The following AR variants were observed in gnomAD, a reference collection of about 807,000 sequenced individuals.
AR encodes androgen receptor.
A neutral mutation model predicts 53.9 loss-of-function variants in AR; 8 were observed. The ratio of observed to expected loss-of-function variants is 0.15; its 90% CI spans 0.09 to 0.27. AR has a LOEUF of 0.27. Ranked by LOEUF, AR falls within the 10% of genes least tolerant of loss-of-function variation. The pLI is 1.00. For synonymous variants in AR, 359 were observed against 316.4 expected, an observed-to-expected ratio of 1.13 and a Z score of -1.43; for missense variants, 639 against 742.5, an observed-to-expected ratio of 0.86 and a Z score of 1.62.
chrX:67,646,611 G>A (rs1926071149), intron 2 of AR, among the ~76,000 whole-genome samples: 1 of 110,238 alleles, frequency 9.1e-6, no homozygotes, highest in African/African-American at 3.3e-5. Flanking sequence ...AAGAGACCAG[G>A]AAGTCAAAGC....
chrX:67,629,947 T>A (rs1344583562), intron 1 of AR, among the ~76,000 whole-genome samples: 1 of 111,548 alleles, frequency 9.0e-6, no homozygotes, highest in African/African-American at 3.3e-5. Context: ...GTTGAGCGGT[T>A]TTGAGTGAGA....
intron 2 of AR, among the ~76,000 whole-genome samples, chrX:67,679,657 C>G (rs1469682847): frequency 8.9e-6 from 1 of 111,757 alleles, no homozygotes; most frequent in Non-Finnish European, 1.9e-5. Context: ...TGGCTTAAGA[C>G]AATGATATTT....
chrX:67,587,317 G>A lies in AR; in HGVS notation c.1616+40555G>A, dbSNP rs185958178. On this transcript the variant is annotated intron_variant, in intron 1 of 7. Transcript: ENST00000374690. ...GCCAGCCATGATTCATGCTGCATAA[G>A]TATTCATTAATGTTCATTTCATTTA... Among the ~76,000 whole-genome samples the A allele has an allele frequency of 1.3e-3, 148 of 112,615 alleles. 1 individual carries two copies. Among genetic ancestry groups the A allele is most frequent in the African/African-American group, 4.7e-3 (146 of 31,065 alleles).
At chrX:67,628,042 T>A (rs1194308669) in intron 1 of AR, among the ~76,000 whole-genome samples, 8 of 111,842 alleles carry the variant, frequency 7.2e-5, no homozygotes, top group African/African-American at 2.6e-4. Context: ...TACTGTAGCC[T>A]TGTAGTATAG....
intron 1 of AR, among the ~76,000 whole-genome samples, chrX:67,639,553 C>A (rs968977963): frequency 2.7e-5 from 3 of 111,309 alleles, no homozygotes; most frequent in Non-Finnish European, 5.6e-5. Flanking sequence ...AAGTTGGATT[C>A]CTACATATTT....
At chrX:67,577,614 T>G (rs1174776300) in intron 1 of AR, among the ~76,000 whole-genome samples, 1 of 111,390 alleles carries the variant, frequency 9.0e-6, no homozygotes, top group Non-Finnish European at 1.9e-5. Flanking sequence ...GAGTTTTAGT[T>G]TCTCCACATC....
At chrX:67,670,560 A>G (rs1178625083) in intron 2 of AR, among the ~76,000 whole-genome samples, 1 of 107,113 alleles carries the variant, frequency 9.3e-6, no homozygotes, top group Non-Finnish European at 1.9e-5. Context: ...AGTATAGTAT[A>G]TATATAATAC....
At position 67,647,559 on chromosome X, in the gene AR, C is replaced by T. The variant is rs146345670; in HGVS notation, c.1768+4152C>T. 8.1e-3 allele frequency among the ~76,000 whole-genome samples: 911 copies of T among 112,139 alleles called. 6 individuals carry two copies. The highest frequency in any genetic ancestry group is 0.028 in the African/African-American group (866 of 30,895). On this transcript the variant is annotated intron_variant, in intron 2 of 7. Transcript: ENST00000374690. ...GGCAAATTAACTCTGCTAAGAGGAT[C>T]TGCTTGCAGCTTCAACAGAGCCTTC... is the stretch of plus-strand genomic sequence containing the variant.
intron 1 of AR, among the ~76,000 whole-genome samples, chrX:67,632,052 C>T (rs1925167752): frequency 8.9e-6 from 1 of 112,727 alleles, no homozygotes; most frequent in African/African-American, 3.2e-5. Flanking sequence ...AGCTGTCCAA[C>T]AGGGACATTT....
intron 1 of AR, among the ~76,000 whole-genome samples, chrX:67,597,896 A>AT (rs1381090304): frequency 8.9e-5 from 10 of 111,964 alleles, no homozygotes; most frequent in African/African-American, 3.3e-4. Context: ...GGTAAACATC[A>AT]TTTTAGCAGA....
At chrX:67,580,242 G>GA (rs1389365073) in intron 1 of AR, among the ~76,000 whole-genome samples, 3 of 109,841 alleles carry the variant, frequency 2.7e-5, no homozygotes, top group Non-Finnish European at 1.9e-5. Flanking sequence ...AAACCCTAAC[G>GA]AAAAAATTTC....
At chrX:67,561,928 G>GTTTTTT (rs757161392) in intron 1 of AR, among the ~76,000 whole-genome samples, 2 of 78,269 alleles carry the variant, frequency 2.6e-5, no homozygotes, top group Non-Finnish European at 4.7e-5. Context: ...AACGAAAGAG[G>GTTTTTT]TTTTTTTTTT....
At position 67,546,546 on chromosome X, in the gene AR, G is replaced by GCGT. The variant is rs1929765654; in HGVS notation, c.1402_1403insTCG (p.Gly467_Gly468insVal). ...GGCGGCGGCGGCGGCGGCGGCGGCG[G>GCGT]CGGCGGCGGCGGCGGCGGCGAGGCG... On this transcript the variant is annotated inframe_insertion, in exon 1 of 8. Transcript: ENST00000374690. 1 of 923,979 alleles carries GCGT rather than the reference G, an allele frequency of 1.1e-6. No individual in the cohort carries two copies. Among genetic ancestry groups the GCGT allele is most frequent in the Admixed American group, 5.9e-5 (1 of 16,948 alleles). 76.1% of individuals were successfully genotyped at this position (923,979 alleles called of 1,213,427 possible).
intron 2 of AR, among the ~76,000 whole-genome samples, chrX:67,682,615 A>G (rs1219682378): frequency 8.9e-6 from 1 of 111,741 alleles, no homozygotes; most frequent in African/African-American, 3.3e-5. Context: ...TAAACTTTGT[A>G]AACTAATCAA....
rs183254324 is a variant in AR at position 67,657,643 on chromosome X, C to G, written c.1768+14236C>G. 4.1e-3 allele frequency among the ~76,000 whole-genome samples: 458 copies of G among 112,065 alleles called. 1 individual carries two copies. The highest frequency in any genetic ancestry group is 0.011 in the African/African-American group (352 of 30,861). The stretch of plus-strand genomic sequence containing the variant: ...ACCTTAATTCTTAAGTATGTGAAAA[C>G]ACATCACCTATCTGGAGGTTTACAC... On this transcript the variant is annotated intron_variant, in intron 2 of 7. Transcript: ENST00000374690.
In AR at chrX:67,546,028, G is replaced by T; in HGVS notation, c.882G>T (p.Leu294=). 5.8e-6 allele frequency: 7 copies of T among 1,212,374 alleles called. No homozygotes were observed. The highest frequency in any genetic ancestry group is 7.8e-6 in the Non-Finnish European group (7 of 895,646). The part of the protein sequence containing the change: ...CAPLAECKGS[L]LDDSAGKSTE... ...CATTGGCCGAATGCAAAGGTTCTCT[G>T]CTAGACGACAGCGCAGGCAAGAGCA... The change falls in exon 1 of 8, where the codon CTG becomes CTT. Residue 294 remains leucine (L), a synonymous_variant. Transcript: ENST00000374690.
intron 2 of AR, among the ~76,000 whole-genome samples, chrX:67,659,893 TTTTAATGA>T (rs1178922244): frequency 9.0e-6 from 1 of 111,704 alleles, no homozygotes; most frequent in African/African-American, 3.3e-5. Flanking sequence ...TTTCCTGACT[TTTTAATGA>T]TCACCATTCT....
chrX:67,550,260 G>T (rs1929941905), intron 1 of AR, among the ~76,000 whole-genome samples: 1 of 111,764 alleles, frequency 8.9e-6, no homozygotes, highest in Admixed American at 9.5e-5. Context: ...GTGCTTTCTT[G>T]CCTGTACTAA....
At chrX:67,642,137 A>G (rs1925811072) in intron 1 of AR, among the ~76,000 whole-genome samples, 1 of 111,678 alleles carries the variant, frequency 9.0e-6, no homozygotes, top group Non-Finnish European at 1.9e-5. Flanking sequence ...TTCATTCCTT[A>G]GTAAGGAAGA....
Sources: gnomAD v4.1 joint callset for allele counts (sites outside exome capture counted in the v4.1 genomes callset) on GRCh38, gnomAD v4.1.1 for gene constraint, MANE v1.5 for transcripts, NCBI Gene and HGNC (gene_info 2026-07-23, HGNC 2026-07-21) for gene names.